The following AGBL3 variants were observed in gnomAD, a reference collection of about 807,000 sequenced individuals.
AGBL3 encodes cytosolic carboxypeptidase 3.
In AGBL3, 68 loss-of-function variants were observed where a neutral mutation model predicts 94.5. The ratio of observed to expected loss-of-function variants is 0.72; its 90% CI spans 0.59 to 0.88. The LOEUF (loss-of-function observed/expected upper bound fraction) is 0.88. AGBL3 is among the 40% of genes least tolerant of loss of function. AGBL3 has a pLI of 0.00. For missense variants in AGBL3, 934 were observed against 1,103.8 expected, an observed-to-expected ratio of 0.85 and a Z score of 2.18; for synonymous variants, 354 against 370.7, an observed-to-expected ratio of 0.95 and a Z score of 0.52.
intron 16 of AGBL3, among the ~76,000 whole-genome samples, chr7:135,131,040 C>A (rs1828687876): frequency 6.6e-6 from 1 of 151,636 alleles, no homozygotes; most frequent in South Asian, 2.1e-4. Context: ...GTGTGTGTGT[C>A]CAGAGTGAGC....
In AGBL3 at chr7:135,059,211, T is replaced by C. The variant is rs1818607084; in HGVS notation, c.1884T>C (p.Thr628=). Residue 628 remains threonine, a synonymous_variant, in exon 12 of 17, where the codon ACT becomes ACC. Coordinates refer to ENST00000436302, the MANE Select transcript of AGBL3 (RefSeq NM_178563.4). ...GTTCAGAATCCATTGACTCTCTGAC[T>C]TACCTTCTCAAGTTAACTTCTCAGG... ...SDSSESIDSL[T]YLLKLTSQKK... 1 of 1,551,142 alleles carries C rather than the reference T, an allele frequency of 6.4e-7. No individual in the cohort carries two copies. Among genetic ancestry groups the C allele is most frequent in the Non-Finnish European group, 8.7e-7 (1 of 1,146,722 alleles).
At chr7:135,110,578 T>C (rs1257643708) in intron 15 of AGBL3, among the ~76,000 whole-genome samples, 1 of 152,176 alleles carries the variant, frequency 6.6e-6, no homozygotes, top group Non-Finnish European at 1.5e-5. Flanking sequence ...CACCCCTTCC[T>C]TGGGCAGGGG....
Position 135,044,158 on chromosome 7 carries a change from C to T in AGBL3, c.1627+7C>T, listed in dbSNP as rs1156849849. 2 of 1,543,456 alleles carry T rather than the reference C, an allele frequency of 1.3e-6. No individual in the cohort carries two copies. The highest frequency in any genetic ancestry group is 4.9e-5 in the East Asian group (2 of 40,704). On this transcript the variant is annotated splice_region_variant and intron_variant, in intron 9 of 16. Transcript: ENST00000436302. ...TTCTGTGGATCTACTCTGGGTAAGA[C>T]CAAGGGTTCTCATTCACAGCTCTCA... is the stretch of plus-strand genomic sequence containing the variant.
chr7:135,033,471 C>T (rs1238966146), intron 6 of AGBL3, among the ~76,000 whole-genome samples: 1 of 152,150 alleles, frequency 6.6e-6, no homozygotes, highest in Admixed American at 6.5e-5. Flanking sequence ...TACAACTGTA[C>T]ACATACACAT....
chr7:135,045,657 C>A (rs1817286187), intron 10 of AGBL3, 83 bp downstream of exon 10: 1 of 1,376,760 alleles, frequency 7.3e-7, no homozygotes, highest in Non-Finnish European at 1.0e-6. Context: ...CAGTGTTTGC[C>A]TTTTAATGTC....
chr7:135,052,925 G>C (rs1011207773), intron 11 of AGBL3, among the ~76,000 whole-genome samples: 1 of 151,980 alleles, frequency 6.6e-6, no homozygotes, highest in Non-Finnish European at 1.5e-5. Context: ...TGTTTTTTGA[G>C]GTTGCAGAAT....
chr7:135,053,838 T>A (rs1307423643), intron 11 of AGBL3, among the ~76,000 whole-genome samples: 1 of 152,176 alleles, frequency 6.6e-6, no homozygotes, highest in African/African-American at 2.4e-5. Context: ...TAAAATATAG[T>A]CTGCCAGTCA....
chr7:135,061,185 A>T (rs1228697110), intron 12 of AGBL3, among the ~76,000 whole-genome samples: 1 of 151,654 alleles, frequency 6.6e-6, no homozygotes, highest in East Asian at 1.9e-4. Flanking sequence ...GGCCATTTGT[A>T]TTTGTTCTTT....
intron 5 of AGBL3, among the ~76,000 whole-genome samples, chr7:135,028,552 C>A (rs1815396100): frequency 1.3e-5 from 2 of 152,170 alleles, no homozygotes; most frequent in South Asian, 4.1e-4. Context: ...ACTTCTAATT[C>A]TAGTTCTCTT....
At chr7:134,987,517 T>G (rs1213689990) in intron 1 of AGBL3, among the ~76,000 whole-genome samples, 1 of 152,242 alleles carries the variant, frequency 6.6e-6, no homozygotes, top group African/African-American at 2.4e-5. Context: ...TATTGCTACA[T>G]TTCAGTAAGT....
At chr7:135,047,716 G>A (rs909594742) in intron 11 of AGBL3, among the ~76,000 whole-genome samples, 22 of 151,882 alleles carry the variant, frequency 1.4e-4, no homozygotes, top group African/African-American at 5.1e-4. Flanking sequence ...AACAAAATCA[G>A]GTTATAGGGG....
chr7:135,076,387 CTTT>C lies in AGBL3; in HGVS notation c.1909-8_1909-6del, dbSNP rs1563242047. 6.6e-7 allele frequency: 1 copy of C among 1,518,644 alleles called. No homozygotes were observed. Among genetic ancestry groups the C allele is most frequent in the East Asian group, 2.5e-5 (1 of 40,628 alleles). The allele number at this position is 1,518,644 out of a possible 1,614,324, so 94.1% of individuals were successfully genotyped here. A position where few individuals can be genotyped will look rare whatever the true frequency, so the allele number is the denominator to read the frequency against. ...TTAAATATTGATTTTAAGTATGATT[CTTT>C]TACTAGAAAAAACATTTGAAAACAA... On this transcript the variant is annotated splice_polypyrimidine_tract_variant and splice_region_variant and intron_variant, in intron 12 of 16. Transcript: ENST00000436302.
At chr7:135,030,506 T>C (rs1309948182) in intron 5 of AGBL3, among the ~76,000 whole-genome samples, 2 of 152,198 alleles carry the variant, frequency 1.3e-5, no homozygotes, top group Non-Finnish European at 2.9e-5. Flanking sequence ...TGTCTTTTTC[T>C]CTTTGGCTGT....
intron 4 of AGBL3, among the ~76,000 whole-genome samples, chr7:135,009,329 CATGG>C (rs1028481643): frequency 2.6e-5 from 4 of 152,078 alleles, no homozygotes; most frequent in African/African-American, 9.7e-5. Context: ...CATGGTACAA[CATGG>C]ATGAACTTTG....
chr7:135,033,930 T>C (rs1313669219), intron 6 of AGBL3, among the ~76,000 whole-genome samples: 1 of 152,160 alleles, frequency 6.6e-6, no homozygotes, highest in African/African-American at 2.4e-5. Context: ...TACCAAGGAA[T>C]ACAAAGGATT....
chr7:135,033,415 A>G (rs1265254805), intron 6 of AGBL3, among the ~76,000 whole-genome samples: 1 of 152,206 alleles, frequency 6.6e-6, no homozygotes, highest in Non-Finnish European at 1.5e-5. Context: ...CTCAACAGCT[A>G]TCAAGGTTTT....
chr7:135,096,392 A>G lies in AGBL3; in HGVS notation c.2110+14602A>G, dbSNP rs1010474053. On this transcript the variant is annotated intron_variant, in intron 15 of 16. Coordinates refer to ENST00000436302, the MANE Select transcript of AGBL3 (RefSeq NM_178563.4). Reference sequence around the variant, plus strand: ...CAGACAGACAGACAGAGAAGGAAGGAAGGGAGGGAGGGAGGAAGGAAGGAA... The same window carrying G: ...CAGACAGACAGACAGAGAAGGAAGGGAGGGAGGGAGGGAGGAAGGAAGGAA... 2.1e-5 allele frequency among the ~76,000 whole-genome samples: 3 copies of G among 141,438 alleles called. No individual in the cohort carries two copies. In the Admixed American group the frequency reaches 2.2e-4, roughly 10 times the overall value. 92.8% of individuals were successfully genotyped at this position (141,438 alleles called of 152,430 possible). A position where few individuals can be genotyped will look rare whatever the true frequency, so the allele number is the denominator to read the frequency against.
At position 135,076,466 on chromosome 7, in the gene AGBL3, G is replaced by C; in HGVS notation, c.1978G>C (p.Glu660Gln). 6.5e-7 allele frequency: 1 copy of C among 1,543,126 alleles called. No individual in the cohort carries two copies. The change falls in exon 13 of 17, where the codon GAG (glutamate) becomes CAG (glutamine). Residue 660 changes from glutamate to glutamine, a missense_variant and splice_region_variant. Around this residue, in one of 3 missense-constraint regions of AGBL3, gnomAD observed 441 missense variants for 518.2 expected, o/e 0.85. Transcript: ENST00000436302. ...AAGCCACCAAAATGCCAGAGGACAA[G>C]AGGTAAATCTTCATTAATCTAGTTA... The part of the protein sequence containing the change: ...IASHQNARGQ[E>Q]VYDRGHLLQR...
At chr7:135,115,354 T>C in intron 15 of AGBL3, 26 bp from the exon 16 acceptor site, 2 of 1,402,678 alleles carry the variant, frequency 1.4e-6, no homozygotes, top group Non-Finnish European at 2.0e-6. Context: ...CATATCTCTG[T>C]ACATATTTTT....
Sources: allele counts gnomAD v4.1 joint callset (sites outside exome capture counted in the v4.1 genomes callset), GRCh38; gene constraint gnomAD v4.1.1; regional missense constraint gnomAD v4.1.1; transcripts MANE v1.5; gene names NCBI Gene and HGNC (gene_info 2026-07-23, HGNC 2026-07-21).